Variants in DPEP1 observed in about 807,000 individuals in gnomAD.
DPEP1 encodes the protein dipeptidase 1.
In DPEP1, 50 loss-of-function variants were observed where a neutral mutation model predicts 42.3. The observed-to-expected ratio is 1.18, with a 90% CI of 0.94 to 1.50. The LOEUF (loss-of-function observed/expected upper bound fraction) is 1.50. Ranked by LOEUF, DPEP1 falls within the 40% of genes most tolerant of loss-of-function variation. The pLI is 0.00. For missense variants in DPEP1, 663 were observed against 553.0 expected, an observed-to-expected ratio of 1.20 and a Z score of -1.99; for synonymous variants, 297 against 234.0, an observed-to-expected ratio of 1.27 and a Z score of -2.46.
chr16:89,615,813 G>A (rs1399072530), intron 1 of DPEP1, among the ~76,000 whole-genome samples: 15 of 152,194 alleles, frequency 9.9e-5, no homozygotes, highest in African/African-American at 2.9e-4. Context: ...GGTCCTGGCC[G>A]GCTGGTGGGG....
chr16:89,630,402 G>T lies in DPEP1; in HGVS notation c.-9G>T. 6.2e-7 allele frequency: 1 copy of T among 1,608,216 alleles called. No homozygotes were observed. Among genetic ancestry groups the T allele is most frequent in the South Asian group, 1.1e-5 (1 of 90,544 alleles). On this transcript the variant is annotated 5_prime_UTR_variant, in exon 2 of 11. Transcript: ENST00000690203. The stretch of plus-strand genomic sequence containing the variant: ...GCAGCAGTGCACACAGGTCCCCGGG[G>T]ACCCCACCATGTGGAGCGGATGGTG...
intron 1 of DPEP1, among the ~76,000 whole-genome samples, chr16:89,614,401 A>G (rs2059361188): frequency 6.6e-6 from 1 of 152,122 alleles, no homozygotes; most frequent in Non-Finnish European, 1.5e-5. Flanking sequence ...TCTGTTCTGG[A>G]ATTCTCTGCG....
downstream of DPEP1, among the ~76,000 whole-genome samples, chr16:89,641,227 G>T (rs1026638582): frequency 1.4e-4 from 22 of 152,018 alleles, no homozygotes; most frequent in Middle Eastern, 3.4e-3. Flanking sequence ...CTGCGGGGGG[G>T]GGTTGACTGA....
chr16:89,627,567 T>G (rs1485282342), intron 1 of DPEP1, among the ~76,000 whole-genome samples: 1 of 145,102 alleles, frequency 6.9e-6, no homozygotes, highest in African/African-American at 2.5e-5. Flanking sequence ...CTACTGAGAC[T>G]CTGTCTCAGA....
Position 89,637,686 on chromosome 16 carries a change from G to A in DPEP1, c.908G>A (p.Gly303Glu), listed in dbSNP as rs1341854031. The change falls in exon 9 of 11, where the codon GGG becomes GAG. Residue 303 changes from glycine to glutamate, a missense_variant. Gly to Glu is a moderately conservative substitution (Grantham distance 98). Transcript: ENST00000690203. ...GGAGCCAGAGCCGTGGGTTTTGGTGGGGACTTTGATGGTGTTCCAAGGTAA... is the reference window on the plus strand; with the variant it reads ...GGAGCCAGAGCCGTGGGTTTTGGTGAGGACTTTGATGGTGTTCCAAGGTAA... ...VAGARAVGFG[G>E]DFDGVPRVPE... 1 of 1,612,942 alleles carries A rather than the reference G, an allele frequency of 6.2e-7. No individual in the cohort carries two copies. The highest frequency in any genetic ancestry group is 8.5e-7 in the Non-Finnish European group (1 of 1,179,998).
At chr16:89,634,468 C>T (rs1257359648) in intron 2 of DPEP1, among the ~76,000 whole-genome samples, 1 of 152,110 alleles carries the variant, frequency 6.6e-6, no homozygotes, top group Non-Finnish European at 1.5e-5. Flanking sequence ...GATTCGGACC[C>T]TCTGGGATCC....
chr16:89,616,720 G>A (rs2059381762), intron 1 of DPEP1, among the ~76,000 whole-genome samples: 1 of 152,206 alleles, frequency 6.6e-6, no homozygotes, highest in Non-Finnish European at 1.5e-5. Context: ...CAGTGCAAAC[G>A]CACGCTGGCA....
downstream of DPEP1, among the ~76,000 whole-genome samples, chr16:89,638,885 C>T (rs191806262): frequency 1.1e-4 from 9 of 79,950 alleles, no homozygotes; most frequent in African/African-American, 5.0e-4. Context: ...CCTGCACACA[C>T]ACACACCCCA....
At chr16:89,626,621 ATCACGCGGTGGCGTGCGCCACCGCACCC>A (rs2059516294) in intron 1 of DPEP1, 1 of 152,046 alleles carries the variant, frequency 6.6e-6, no homozygotes, top group Non-Finnish European at 1.5e-5. Flanking sequence ...AAGTGCTTGG[ATCACGCGGTGGCGTGCGCCACCGCACCC>A]AGCCTAAGAT....
chr16:89,614,532 C>T (rs971062689), intron 1 of DPEP1, among the ~76,000 whole-genome samples: 8 of 152,354 alleles, frequency 5.3e-5, no homozygotes, highest in South Asian at 2.1e-4. Context: ...CGGTGGCTCA[C>T]GCCTGTAATC....
downstream of DPEP1, among the ~76,000 whole-genome samples, chr16:89,638,769 G>A (rs1257461531): frequency 6.2e-4 from 28 of 45,014 alleles, no homozygotes; most frequent in East Asian, 1.5e-3. Flanking sequence ...ATCCCTGCAC[G>A]CACACACCCC....
chr16:89,637,007 C>A, intron 6 of DPEP1, 72 bp downstream of exon 6: 2 of 1,583,544 alleles, frequency 1.3e-6, no homozygotes, highest in East Asian at 4.5e-5. Flanking sequence ...CAGAACAATG[C>A]ATCTCCTCAC....
rs755999613 is a variant in DPEP1 at position 89,636,288 on chromosome 16, G to A, written c.262G>A (p.Asp88Asn). Residue 88 changes from aspartate (D) to asparagine (N), a missense_variant, in exon 4 of 11, where the codon GAC becomes AAC. Transcript: ENST00000690203. ...GQFWSVYTPCDTQNKDAVRRT... is the reference protein window; with the variant it reads ...GQFWSVYTPCNTQNKDAVRRT... The stretch of plus-strand genomic sequence containing the variant: ...GTTCTGGTCCGTGTACACGCCCTGC[G>A]ACACCCAGAACAAAGACGCCGTGCG... 1.1e-5 allele frequency: 18 copies of A among 1,611,012 alleles called. No individual in the cohort carries two copies. Among genetic ancestry groups the A allele is most frequent in the South Asian group, 3.3e-5 (3 of 90,808 alleles).
Position 89,631,184 on chromosome 16 carries a change from A to C in DPEP1, c.104+670A>C, listed in dbSNP as rs1476934943. Among the ~76,000 whole-genome samples the C allele has an allele frequency of 2.0e-5, 3 of 151,474 alleles. No individual in the cohort carries two copies. The East Asian group carries it at 5.9e-4, about 30-fold the overall frequency. On this transcript the variant is annotated intron_variant, in intron 2 of 10. Coordinates refer to ENST00000690203, the MANE Select transcript of DPEP1 (RefSeq NM_001389466.1). ...CCCCGGCCTGCCTTCTCCCGGGGGG[A>C]GGCCCATGCCACTTGGGCCCTTGCC...
intron 6 of DPEP1, 25 bp from the exon 7 acceptor site, chr16:89,637,179 G>C: frequency 6.2e-7 from 1 of 1,606,080 alleles, no homozygotes; most frequent in Non-Finnish European, 8.5e-7. Flanking sequence ...GGGCTGTGAG[G>C]GTGGACGGAG....
intron 2 of DPEP1, among the ~76,000 whole-genome samples, chr16:89,634,216 G>C (rs1041852163): frequency 1.3e-5 from 2 of 151,048 alleles, no homozygotes; most frequent in Admixed American, 6.7e-5. Flanking sequence ...AGCCTCTTGA[G>C]TAGCTGGGAC....
At chr16:89,631,323 G>A (rs998711521) in intron 2 of DPEP1, among the ~76,000 whole-genome samples, 15 of 152,134 alleles carry the variant, frequency 9.9e-5, no homozygotes, top group African/African-American at 3.6e-4. Flanking sequence ...CCGGGAATCC[G>A]ACCCTCTTCC....
chr16:89,624,287 C>T (rs561125436), intron 1 of DPEP1, among the ~76,000 whole-genome samples: 17 of 152,142 alleles, frequency 1.1e-4, no homozygotes, highest in African/African-American at 3.1e-4. Flanking sequence ...AAGCGTGGCA[C>T]CAGCGTCTGC....
Position 89,637,547 on chromosome 16 carries a change from T to A in DPEP1, c.848T>A (p.Val283Glu). The A allele has an allele frequency of 6.2e-7, 1 of 1,612,326 alleles. No homozygotes were observed. The highest frequency in any genetic ancestry group is 8.5e-7 in the Non-Finnish European group (1 of 1,179,822). ...ACCAACAAGGCCAACCTGTCCCAAG[T>A]GGCCGGTAGGTGGGGTGTGAGCGGC... Reference protein sequence around the residue: ...SCTNKANLSQVADHLDHIKEV... With the variant: ...SCTNKANLSQEADHLDHIKEV... The change falls in exon 8 of 11, where the codon GTG becomes GAG. Residue 283 changes from valine to glutamate, a missense_variant. By Grantham distance (121) the Val-to-Glu change is moderately radical (BLOSUM62 -2). Transcript: ENST00000690203.
Sources: allele counts gnomAD v4.1 joint callset (sites outside exome capture counted in the v4.1 genomes callset), GRCh38; gene constraint gnomAD v4.1.1; transcripts MANE v1.5; gene names NCBI Gene and HGNC (gene_info 2026-07-23, HGNC 2026-07-21).